NAA20: variants seen among roughly 807,000 people sequenced by gnomAD.
NAA20 encodes the protein N-alpha-acetyltransferase 20.
NAA20 carries 24 observed loss-of-function variants against 23.8 expected under a neutral mutation model. That is an observed-to-expected ratio of 1.01 (90% CI 0.73 to 1.42). The LOEUF is 1.42. NAA20 is among the 40% of genes most tolerant of loss of function. The pLI, the probability that NAA20 is intolerant of heterozygous loss-of-function variation, is 0.00. For synonymous variants in NAA20, 83 were observed against 77.7 expected (o/e 1.07, Z -0.36); for missense variants, 166 against 223.1 (o/e 0.74, Z 1.63).
chr20:20,019,408 G>A (rs1016832729), intron 1 of NAA20, among the ~76,000 whole-genome samples: 13 of 152,178 alleles, frequency 8.5e-5, no homozygotes, highest in Non-Finnish European at 1.6e-4. Flanking sequence ...GAAGCTTCAA[G>A]AAAAGGCAGA....
intron 2 of NAA20, among the ~76,000 whole-genome samples, chr20:20,025,217 T>C (rs2043298962): frequency 6.6e-6 from 1 of 152,208 alleles, no homozygotes; most frequent in African/African-American, 2.4e-5. Context: ...ATAGCTGAAG[T>C]CAAAGTAGGA....
At chr20:20,022,353 G>GT (rs1292000336) in intron 1 of NAA20, 103 bp from the exon 2 acceptor site, 2 of 1,187,952 alleles carry the variant, frequency 1.7e-6, no homozygotes, top group Non-Finnish European at 2.4e-6. Context: ...GATGAAACAT[G>GT]TTTTGTTTTC....
chr20:20,025,288 TACCAGGC>T lies in NAA20; in HGVS notation c.79-382_79-376del, dbSNP rs1404968335. Among the ~76,000 whole-genome samples the T allele has an allele frequency of 9.9e-5, 15 of 152,204 alleles. No individual in the cohort carries two copies. The East Asian group carries it at 2.9e-3, about 29-fold the overall frequency. On this transcript the variant is annotated intron_variant, in intron 2 of 5. Transcript: ENST00000334982. ...ATCAGTGTATTAAGCATCTACTGTG[TACCAGGC>T]ACCAGGGACAGAGGGAACATGATAT...
chr20:20,027,130 G>A (rs957618351), intron 4 of NAA20, among the ~76,000 whole-genome samples: 4 of 151,376 alleles, frequency 2.6e-5, no homozygotes, highest in African/African-American at 4.9e-5. Flanking sequence ...GTAGTGACCC[G>A]CTATAGGCCT....
In NAA20 at chr20:20,024,484, G is replaced by A. The variant is rs1454331966; in HGVS notation, c.79-1193G>A. ...GGTTCATCTGGATTTTTTAAATTACGACTAATGATATCACCACTTTTAAGA... is the reference window on the plus strand; with the variant it reads ...GGTTCATCTGGATTTTTTAAATTACAACTAATGATATCACCACTTTTAAGA... On this transcript the variant is annotated intron_variant, in intron 2 of 5. Coordinates refer to ENST00000334982, the MANE Select transcript of NAA20 (RefSeq NM_016100.5). Among the ~76,000 whole-genome samples the A allele has an allele frequency of 4.6e-5, 7 of 151,964 alleles. No homozygotes were observed. The South Asian group carries it at 1.0e-3, about 23-fold the overall frequency.
At position 20,033,108 on chromosome 20, in the gene NAA20, G is replaced by A; in HGVS notation, c.458G>A (p.Arg153Lys). 6.2e-7 allele frequency: 1 copy of A among 1,612,150 alleles called. No homozygotes were observed. Among genetic ancestry groups the A allele is most frequent in the Non-Finnish European group, 8.5e-7 (1 of 1,178,362 alleles). ...AAACTTTGCTTCTTTACAGATATGA[G>A]GAAAGCACTTTCCAGGGATACTGAG... The part of the protein sequence containing the change: ...GEPDEDAYDM[R>K]KALSRDTEKK... The change falls in exon 6 of 6, where the codon AGG becomes AAG. Residue 153 changes from arginine (R) to lysine (K), a missense_variant. Physicochemically the swap from Arg to Lys is conservative, Grantham distance 26 (BLOSUM62 2). Coordinates refer to ENST00000334982, the MANE Select transcript of NAA20 (RefSeq NM_016100.5).
upstream of NAA20, chr20:20,017,360 G>C (rs770314897): frequency 1.2e-6 from 2 of 1,609,638 alleles, no homozygotes; most frequent in Non-Finnish European, 1.7e-6. Context: ...CGGGCGCGGG[G>C]TCTTGGCGAA....
At chr20:20,022,715 C>T in intron 2 of NAA20, 1 of 425,540 alleles carries the variant, frequency 2.3e-6, no homozygotes, top group South Asian at 3.4e-5. Context: ...CATCATAGCT[C>T]CCCTGCCAAC....
chr20:20,024,110 C>T (rs1260430484), intron 2 of NAA20, among the ~76,000 whole-genome samples: 1 of 152,192 alleles, frequency 6.6e-6, no homozygotes, highest in Non-Finnish European at 1.5e-5. Context: ...CCCACAAAGC[C>T]TAGGATGTTA....
Position 20,022,442 on chromosome 20 carries a change from C to G in NAA20, c.54-14C>G. On this transcript the variant is annotated splice_polypyrimidine_tract_variant and intron_variant, in intron 1 of 5. Transcript: ENST00000334982. ...AACGCTGCTTACTAGAGACATTTCT[C>G]TTGTTTCTTTCAGTAACTTGGATCC... 1 of 1,586,656 alleles carries G rather than the reference C, an allele frequency of 6.3e-7. No individual in the cohort carries two copies. The highest frequency in any genetic ancestry group is 8.5e-7 in the Non-Finnish European group (1 of 1,169,932).
chr20:20,017,915 G>C lies in NAA20; in HGVS notation c.53+466G>C. The stretch of plus-strand genomic sequence containing the variant: ...GCCGCAGAGGGGGCTTGCGAGGATC[G>C]GAAGCTGGTCAGCAGCTGTTGGGAT... On this transcript the variant is annotated intron_variant, in intron 1 of 5. Coordinates refer to ENST00000334982, the MANE Select transcript of NAA20 (RefSeq NM_016100.5). 3 of 1,607,016 alleles carry C rather than the reference G, an allele frequency of 1.9e-6. No individual in the cohort carries two copies. In the South Asian group the frequency reaches 3.3e-5, roughly 18 times the overall value.
intron 4 of NAA20, among the ~76,000 whole-genome samples, chr20:20,027,753 T>TC (rs1413689380): frequency 8.3e-6 from 1 of 120,514 alleles, no homozygotes; most frequent in African/African-American, 5.7e-5. Context: ...AGCATGGCAT[T>TC]TTTTTTTTTT....
At chr20:20,018,137 T>C in intron 1 of NAA20, 2 of 1,563,800 alleles carry the variant, frequency 1.3e-6, no homozygotes, top group Non-Finnish European at 1.8e-6. Context: ...GGAGGCTCGC[T>C]GTGCCCAGAG....
At chr20:20,021,064 G>T (rs1601124071) in intron 1 of NAA20, among the ~76,000 whole-genome samples, 2 of 142,854 alleles carry the variant, frequency 1.4e-5, no homozygotes, top group East Asian at 2.0e-4. Flanking sequence ...CTTTGGCAAA[G>T]ACTTCTTCCT....
intron 2 of NAA20, among the ~76,000 whole-genome samples, chr20:20,025,046 G>A (rs2043297951): frequency 6.6e-6 from 1 of 152,122 alleles, no homozygotes; most frequent in Admixed American, 6.5e-5. Flanking sequence ...GTGAAGTCAT[G>A]AGCAAATTAT....
Position 20,021,045 on chromosome 20 carries a change from G to C in NAA20, c.54-1411G>C, listed in dbSNP as rs958099918. Among the ~76,000 whole-genome samples the C allele has an allele frequency of 3.4e-4, 47 of 139,386 alleles. 1 individual carries two copies. The highest frequency in any genetic ancestry group is 3.3e-3 in the Middle Eastern group (1 of 300). 91.4% of individuals were successfully genotyped at this position (139,386 alleles called of 152,430 possible). ...GTGCGTGGGTTCGGTGGGCGGGGGG[G>C]GGGGGGGACTTTGGCAAAGACTTCT... On this transcript the variant is annotated intron_variant, in intron 1 of 5. Coordinates refer to ENST00000334982, the MANE Select transcript of NAA20 (RefSeq NM_016100.5).
intron 1 of NAA20, among the ~76,000 whole-genome samples, chr20:20,021,215 G>A (rs2043266134): frequency 6.6e-6 from 1 of 152,192 alleles, no homozygotes; most frequent in African/African-American, 2.4e-5. Context: ...CTGTATTAGA[G>A]CAGTGATTCT....
intron 1 of NAA20, among the ~76,000 whole-genome samples, chr20:20,020,345 G>A (rs1005246466): frequency 1.3e-5 from 2 of 152,214 alleles, no homozygotes; most frequent in African/African-American, 2.4e-5. Flanking sequence ...CAGGGAGACT[G>A]CCCTTGAAGA....
At chr20:20,025,287 G>A (rs2043299408) in intron 2 of NAA20, among the ~76,000 whole-genome samples, 1 of 152,206 alleles carries the variant, frequency 6.6e-6, no homozygotes, top group Admixed American at 6.5e-5. Context: ...CATCTACTGT[G>A]TACCAGGCAC....
Sources: allele counts gnomAD v4.1 joint callset (sites outside exome capture counted in the v4.1 genomes callset), GRCh38; gene constraint gnomAD v4.1.1; transcripts MANE v1.5; gene names NCBI Gene and HGNC (gene_info 2026-07-23, HGNC 2026-07-21).